ADGRL4: variants seen among roughly 807,000 people sequenced by gnomAD.
ADGRL4 encodes EGF, latrophilin and seven transmembrane domain containing 1.
A neutral mutation model predicts 74.8 loss-of-function variants in ADGRL4; 90 were observed. The ratio of observed to expected loss-of-function variants is 1.20; its 90% CI spans 1.02 to 1.43. ADGRL4 has a LOEUF of 1.43. Among genes scored for constraint, ADGRL4 ranks in the 40% most tolerant of loss-of-function variants. The probability of loss-of-function intolerance (pLI) is 0.00; values close to 1 mark genes in which losing one functional copy is unlikely to be tolerated. For missense variants in ADGRL4, 881 were observed against 814.3 expected (o/e 1.08, Z -1.00); for synonymous variants, 311 against 279.2 (o/e 1.11, Z -1.14).
At chr1:78,920,502 A>G (rs918887093) in intron 9 of ADGRL4, 116 bp from the exon 10 acceptor site, 2 of 674,644 alleles carry the variant, frequency 3.0e-6, no homozygotes, top group Non-Finnish European at 4.8e-6. Context: ...TGTTCATAAA[A>G]TGTAAAAATA....
At chr1:78,973,018 T>C in intron 2 of ADGRL4, among the ~76,000 whole-genome samples, 1 of 152,198 alleles carries the variant, frequency 6.6e-6, no homozygotes, top group East Asian at 1.9e-4. Flanking sequence ...GCCAGACAGG[T>C]GGTACCCTTA....
chr1:78,997,208 G>A (rs531262217), intron 2 of ADGRL4, among the ~76,000 whole-genome samples: 1 of 152,258 alleles, frequency 6.6e-6, no homozygotes, highest in South Asian at 2.1e-4. Context: ...GATATAAAAA[G>A]GGGAATGGTA....
intron 2 of ADGRL4, among the ~76,000 whole-genome samples, chr1:78,966,625 A>G (rs1650062360): frequency 6.6e-6 from 1 of 152,070 alleles, no homozygotes; most frequent in African/African-American, 2.4e-5. Context: ...GAATGGACAG[A>G]TGAGCAGGGG....
intron 7 of ADGRL4, among the ~76,000 whole-genome samples, chr1:78,932,613 CA>C (rs557004722): frequency 0.021 from 1,216 of 57,280 alleles, 38 homozygotes; most frequent in South Asian, 0.07. Flanking sequence ...AAAACCCCTC[CA>C]AAAAAAAAAA....
intron 2 of ADGRL4, among the ~76,000 whole-genome samples, chr1:78,976,447 G>GA (rs972340518): frequency 3.3e-5 from 5 of 150,832 alleles, no homozygotes; most frequent in East Asian, 3.9e-4. Flanking sequence ...AAAATAAAAT[G>GA]AAAAAAAATC....
In ADGRL4 at chr1:78,912,185, G is replaced by A. The variant is rs540917045; in HGVS notation, c.1749+5449C>T. On this transcript the variant is annotated intron_variant, in intron 12 of 14. Transcript: ENST00000370742. ...GATTATTGAGCAAGATGAATATTGAGTAAGATGCGGTAAATAAATCAAGAA... is the reference window on the plus strand; with the variant it reads ...GATTATTGAGCAAGATGAATATTGAATAAGATGCGGTAAATAAATCAAGAA... Among the ~76,000 whole-genome samples the A allele has an allele frequency of 1.2e-4, 18 of 151,846 alleles. 1 individual carries two copies. The highest frequency in any genetic ancestry group is 1.2e-4 in the Non-Finnish European group (8 of 67,896).
chr1:78,897,244 T>C (rs1359725924), intron 12 of ADGRL4, among the ~76,000 whole-genome samples: 1 of 152,170 alleles, frequency 6.6e-6, no homozygotes, highest in Non-Finnish European at 1.5e-5. Context: ...CACTACTAGT[T>C]AAGCCTTGAC....
chr1:78,969,117 G>T (rs1650118247), intron 2 of ADGRL4, among the ~76,000 whole-genome samples: 1 of 152,116 alleles, frequency 6.6e-6, no homozygotes, highest in Non-Finnish European at 1.5e-5. Flanking sequence ...ATTGAGTAAG[G>T]TATATTCCTG....
chr1:78,908,669 G>A lies in ADGRL4; in HGVS notation c.1749+8965C>T, dbSNP rs181929510. On this transcript the variant is annotated intron_variant, in intron 12 of 14. Transcript: ENST00000370742. Reference sequence around the variant, plus strand: ...CTATCTTGCTTTACCAACATCCATAGTTCTTCCCTTTCATCATATCATTAT... The same window carrying A: ...CTATCTTGCTTTACCAACATCCATAATTCTTCCCTTTCATCATATCATTAT... Among the ~76,000 whole-genome samples, 4 of 152,028 alleles carry A rather than the reference G, an allele frequency of 2.6e-5. No homozygotes were observed. In the East Asian group the frequency reaches 7.7e-4, roughly 29 times the overall value.
At chr1:78,977,093 T>A (rs1650301215) in intron 2 of ADGRL4, among the ~76,000 whole-genome samples, 1 of 151,698 alleles carries the variant, frequency 6.6e-6, no homozygotes, top group Non-Finnish European at 1.5e-5. Flanking sequence ...TCAAGGGTGT[T>A]AGCATAAAAG....
intron 2 of ADGRL4, among the ~76,000 whole-genome samples, chr1:78,965,998 A>C (rs1037470533): frequency 2.0e-5 from 3 of 152,076 alleles, no homozygotes; most frequent in African/African-American, 7.2e-5. Context: ...AACCAAAAAA[A>C]AAAAAACAAA....
chr1:78,947,803 A>G (rs537293728), intron 2 of ADGRL4, among the ~76,000 whole-genome samples: 65 of 152,342 alleles, frequency 4.3e-4, no homozygotes, highest in African/African-American at 1.5e-3. Context: ...CAGGAGAATC[A>G]TAAAAACAAG....
Position 78,917,741 on chromosome 1 carries a change from C to T in ADGRL4, c.1683-41G>A, listed in dbSNP as rs368597122. The T allele has an allele frequency of 2.5e-6, 4 of 1,584,110 alleles. 1 individual carries two copies. The highest frequency in any genetic ancestry group is 2.2e-5 in the South Asian group (2 of 89,236). The stretch of plus-strand genomic sequence containing the variant: ...AAGATAGAATCTATAAATATGTTTG[C>T]ATGTATGTTAACATAGCAAAATTAT... On this transcript the variant is annotated intron_variant, in intron 11 of 14. Coordinates refer to ENST00000370742, the MANE Select transcript of ADGRL4 (RefSeq NM_022159.4).
intron 8 of ADGRL4, among the ~76,000 whole-genome samples, 172 bp downstream of exon 8, chr1:78,926,714 T>C (rs946697451): frequency 6.6e-6 from 1 of 152,022 alleles, no homozygotes; most frequent in African/African-American, 2.4e-5. Context: ...TAAAGAGCTG[T>C]GAAACTACAA....
At chr1:78,980,198 C>CA (rs1557519572) in intron 2 of ADGRL4, among the ~76,000 whole-genome samples, 49 of 151,068 alleles carry the variant, frequency 3.2e-4, no homozygotes, top group African/African-American at 1.2e-3. Context: ...ACACACACAC[C>CA]CACACACCAG....
At chr1:78,992,757 T>C (rs1355140923) in intron 2 of ADGRL4, among the ~76,000 whole-genome samples, 1 of 152,160 alleles carries the variant, frequency 6.6e-6, no homozygotes, top group Non-Finnish European at 1.5e-5. Flanking sequence ...AAATTTGATT[T>C]GTTCCATTTT....
At chr1:78,959,276 CT>C (rs1443053100) in intron 2 of ADGRL4, among the ~76,000 whole-genome samples, 1 of 152,108 alleles carries the variant, frequency 6.6e-6, no homozygotes, top group African/African-American at 2.4e-5. Flanking sequence ...AAATATTTAT[CT>C]TTACTAATAA....
chr1:78,997,471 G>C (rs12073624), intron 2 of ADGRL4, among the ~76,000 whole-genome samples: 1 of 152,106 alleles, frequency 6.6e-6, no homozygotes, highest in Non-Finnish European at 1.5e-5. Context: ...ATTAGAGAAA[G>C]AGTGTGGAAG....
intron 6 of ADGRL4, among the ~76,000 whole-genome samples, chr1:78,937,316 A>T (rs541782968): frequency 6.6e-6 from 1 of 152,286 alleles, no homozygotes; most frequent in African/African-American, 2.4e-5. Context: ...GTGCTGGCAC[A>T]CGCCTGTAAT....
Sources: gnomAD v4.1 joint callset for allele counts (sites outside exome capture counted in the v4.1 genomes callset) on GRCh38, gnomAD v4.1.1 for gene constraint, MANE v1.5 for transcripts, NCBI Gene and HGNC (gene_info 2026-07-23, HGNC 2026-07-21) for gene names.